The following GLRA3 variants were observed in gnomAD, a reference collection of about 807,000 sequenced individuals.
The protein encoded by GLRA3 is glycine receptor alpha 3, also known as glycine receptor subunit alpha-3.
Under a neutral mutation model 60.4 loss-of-function variants are expected in GLRA3, and 44 were observed. The ratio of observed to expected loss-of-function variants is 0.73; its 90% CI spans 0.57 to 0.94. The LOEUF is 0.94. Among genes scored for constraint, GLRA3 ranks in the 40% least tolerant of loss-of-function variants. The pLI, the probability that GLRA3 is intolerant of heterozygous loss-of-function variation, is 0.00. For synonymous variants in GLRA3, 223 were observed against 192.9 expected, an observed-to-expected ratio of 1.16 and a Z score of -1.29; for missense variants, 508 against 564.6, an observed-to-expected ratio of 0.90 and a Z score of 1.02.
Position 174,803,631 on chromosome 4 carries a change from G to A in GLRA3, c.72-14688C>T, listed in dbSNP as rs73868092. Among the ~76,000 whole-genome samples the A allele has an allele frequency of 2.9e-3, 438 of 152,288 alleles. 5 individuals carry two copies. The highest frequency in any genetic ancestry group is 0.01 in the African/African-American group (417 of 41,560). ...ATGATGTGACATACACATATGTTTA[G>A]AAAACTGCCAAAATCTTATGCTGAA... On this transcript the variant is annotated intron_variant, in intron 1 of 9. Coordinates refer to ENST00000274093, the MANE Select transcript of GLRA3 (RefSeq NM_006529.4).
chr4:174,681,404 A>G (rs1445733264), intron 6 of GLRA3, among the ~76,000 whole-genome samples: 2 of 152,176 alleles, frequency 1.3e-5, no homozygotes, highest in Non-Finnish European at 2.9e-5. Flanking sequence ...TGCAGATACA[A>G]TCAAGTTAAA....
At chr4:174,786,317 G>GA (rs1050650611) in intron 2 of GLRA3, among the ~76,000 whole-genome samples, 3 of 151,946 alleles carry the variant, frequency 2.0e-5, no homozygotes, top group East Asian at 1.9e-4. Context: ...CTACCACAGA[G>GA]AAAAAATGAG....
In GLRA3 at chr4:174,788,849, C is replaced by A. The variant is rs762338650; in HGVS notation, c.166G>T (p.Gly56Ter). The A allele has an allele frequency of 5.0e-6, 8 of 1,608,260 alleles. No individual in the cohort carries two copies. The highest frequency in any genetic ancestry group is 6.8e-6 in the Non-Finnish European group (8 of 1,175,832). ...TTGGGTCTGATTCTTGCATCATATC[C>A]TGATGTCCTGCCCATTAATTTATCC... ...FLDKLMGRTS[G>*]YDARIRPNFK... is the part of the protein sequence containing the mutation. Residue 56 changes from glycine (G) to a stop codon, truncating the protein, a stop_gained, in exon 2 of 10, where the codon GGA (glycine) becomes TGA (stop). Coordinates refer to ENST00000274093, the MANE Select transcript of GLRA3 (RefSeq NM_006529.4). LOFTEE classifies it high-confidence loss of function.
chr4:174,691,331 G>A (rs974383544), intron 5 of GLRA3, among the ~76,000 whole-genome samples: 3 of 151,994 alleles, frequency 2.0e-5, no homozygotes, highest in Non-Finnish European at 4.4e-5. Context: ...AAATGTGCTG[G>A]CCACTTGTCT....
chr4:174,777,120 C>T (rs1250864108), intron 2 of GLRA3, among the ~76,000 whole-genome samples: 1 of 151,950 alleles, frequency 6.6e-6, no homozygotes, highest in Non-Finnish European at 1.5e-5. Flanking sequence ...ACAGTGCCAG[C>T]ATAAGCAAAA....
intron 7 of GLRA3, among the ~76,000 whole-genome samples, chr4:174,661,441 G>T (rs565417218): frequency 6.6e-6 from 1 of 152,240 alleles, no homozygotes; most frequent in South Asian, 2.1e-4. Flanking sequence ...CATATTTTCA[G>T]CCTCAGCACC....
chr4:174,766,843 T>C (rs1401873720), intron 3 of GLRA3, 120 bp downstream of exon 3: 5 of 576,050 alleles, frequency 8.7e-6, no homozygotes, highest in East Asian at 3.0e-5. Flanking sequence ...AATTATACTA[T>C]TAATTTTACA....
chr4:174,694,791 G>C (rs1734986048), intron 5 of GLRA3, among the ~76,000 whole-genome samples: 1 of 151,858 alleles, frequency 6.6e-6, no homozygotes, highest in Non-Finnish European at 1.5e-5. Context: ...GCCAGGAGTT[G>C]TTTTTTTGAA....
intron 9 of GLRA3, among the ~76,000 whole-genome samples, chr4:174,656,346 T>C (rs893208916): frequency 2.0e-5 from 3 of 152,164 alleles, no homozygotes; most frequent in Admixed American, 6.6e-5. Flanking sequence ...TCTTGTGCAG[T>C]TGCTTTTAGA....
chr4:174,673,385 T>C (rs913241071), intron 7 of GLRA3, among the ~76,000 whole-genome samples: 6 of 152,256 alleles, frequency 3.9e-5, no homozygotes, highest in Admixed American at 3.3e-4. Flanking sequence ...ATTGAATTAT[T>C]ATTACTATCT....
intron 3 of GLRA3, among the ~76,000 whole-genome samples, chr4:174,764,419 T>G (rs1738057859): frequency 6.6e-6 from 1 of 152,030 alleles, no homozygotes; most frequent in Non-Finnish European, 1.5e-5. Context: ...AAATATGAAT[T>G]CTCAGACATA....
At chr4:174,741,285 T>C (rs79100772) in intron 3 of GLRA3, among the ~76,000 whole-genome samples, 148 of 152,316 alleles carry the variant, frequency 9.7e-4, no homozygotes, top group East Asian at 7.3e-3. Context: ...TTTTCTAATA[T>C]GTGTGTAGTT....
In GLRA3 at chr4:174,643,820, A is replaced by G; in HGVS notation, c.1361T>C (p.Leu454Pro). 24 of 1,613,682 alleles carry G rather than the reference A, an allele frequency of 1.5e-5. No individual in the cohort carries two copies. The highest frequency in any genetic ancestry group is 2.0e-5 in the Non-Finnish European group (24 of 1,179,694). ...NIFYWVIYKI[L>P]RHEDIHQQQD ...CTGCTGATGAATATCCTCATGCCTA[A>G]GAATTTTATAGATAACCCAGTAGAA... The change falls in exon 10 of 10, where the codon CTT (leucine) becomes CCT (proline). Residue 454 changes from leucine to proline, a missense_variant. This residue lies in a region of GLRA3 where 176 missense variants were observed against 197.9 expected (regional missense o/e 0.89). Coordinates refer to ENST00000274093, the MANE Select transcript of GLRA3 (RefSeq NM_006529.4).
At position 174,828,799 on chromosome 4, in the gene GLRA3, T is replaced by C. The variant is rs886880991; in HGVS notation, c.13A>G (p.Arg5Gly). MAHV[R>G]HFRTLVSGFY... ...CCCGAAACTAATGTCCGAAAGTGTC[T>C]CACGTGGGCCATGATACGGAGAGAT... The change falls in exon 1 of 10, where the codon AGA becomes GGA. Residue 5 changes from arginine (R) to glycine (G), a missense_variant. Physicochemically the swap from Arg to Gly is moderately radical, Grantham distance 125. This residue lies in a region of GLRA3 where 329 missense variants were observed against 349.3 expected (regional missense o/e 0.94). Transcript: ENST00000274093. The C allele has an allele frequency of 1.2e-6, 2 of 1,609,354 alleles. No homozygotes were observed. The highest frequency in any genetic ancestry group is 1.7e-6 in the Non-Finnish European group (2 of 1,175,720).
At chr4:174,760,942 C>T (rs964321300) in intron 3 of GLRA3, among the ~76,000 whole-genome samples, 28 of 152,110 alleles carry the variant, frequency 1.8e-4, no homozygotes, top group African/African-American at 6.7e-4. Flanking sequence ...AAATTTATAC[C>T]TGAAAAATGA....
chr4:174,719,787 G>A (rs573688855), intron 4 of GLRA3, among the ~76,000 whole-genome samples: 48 of 152,122 alleles, frequency 3.2e-4, no homozygotes, highest in Middle Eastern at 3.4e-3. Flanking sequence ...GCTATGGACC[G>A]CTTAAGAAAA....
At chr4:174,731,549 G>A (rs1157994800) in intron 3 of GLRA3, among the ~76,000 whole-genome samples, 1 of 152,114 alleles carries the variant, frequency 6.6e-6, no homozygotes, top group Non-Finnish European at 1.5e-5. Context: ...CAAATATGAT[G>A]GGTAAAATTT....
At chr4:174,711,282 TTC>T (rs998729884) in intron 5 of GLRA3, among the ~76,000 whole-genome samples, 1 of 151,596 alleles carries the variant, frequency 6.6e-6, no homozygotes, top group Non-Finnish European at 1.5e-5. Context: ...AGAATAAAAA[TTC>T]TCTCTCTCTA....
chr4:174,688,825 A>G (rs1734668673), intron 5 of GLRA3, among the ~76,000 whole-genome samples: 2 of 152,140 alleles, frequency 1.3e-5, no homozygotes, highest in Admixed American at 6.5e-5. Context: ...AACATCAGAG[A>G]GGGAATATGT....
Sources: allele counts gnomAD v4.1 joint callset (sites outside exome capture counted in the v4.1 genomes callset), GRCh38; gene constraint gnomAD v4.1.1; regional missense constraint gnomAD v4.1.1; transcripts MANE v1.5; gene names NCBI Gene and HGNC (gene_info 2026-07-23, HGNC 2026-07-21).